The following FBXL17 variants were observed in gnomAD, a reference collection of about 807,000 sequenced individuals.
FBXL17 encodes the protein F-box and leucine rich repeat protein 17, also known as F-box/LRR-repeat protein 17.
In FBXL17, 22 loss-of-function variants were observed where a neutral mutation model predicts 66.2. The observed-to-expected ratio is 0.33, with a 90% confidence interval of 0.24 to 0.47. The LOEUF (loss-of-function observed/expected upper bound fraction) is 0.47, where lower values mean the gene tolerates loss of function less well. Ranked by LOEUF, FBXL17 falls within the 20% of genes least tolerant of loss-of-function variation. FBXL17 has a pLI of 1.00. For missense variants in FBXL17, 878 were observed against 948.2 expected, an observed-to-expected ratio of 0.93 and a Z score of 0.97; for synonymous variants, 474 against 400.5, an observed-to-expected ratio of 1.18 and a Z score of -2.19.
At chr5:107,980,658 A>ATT (rs1382210910) in intron 7 of FBXL17, among the ~76,000 whole-genome samples, 1 of 72,480 alleles carries the variant, frequency 1.4e-5, no homozygotes, top group Non-Finnish European at 2.4e-5. Flanking sequence ...ATATATATAT[A>ATT]TATATATTTT....
chr5:108,220,830 CA>C (rs1754832514), intron 5 of FBXL17, among the ~76,000 whole-genome samples: 1 of 151,966 alleles, frequency 6.6e-6, no homozygotes, highest in Admixed American at 6.6e-5. Flanking sequence ...GGAGAGAGAG[CA>C]AGATATACAG....
rs114392372 is a variant in FBXL17 at position 108,281,027 on chromosome 5, A to G, written c.1507-56799T>C. On this transcript the variant is annotated intron_variant, in intron 4 of 8. Transcript: ENST00000542267. ...TGGAGCACCCAGAGTCATAAAACAA[A>G]TATTACTAGACCTAAAGAGAGAGAC... Among the ~76,000 whole-genome samples, 1,243 of 151,982 alleles carry G rather than the reference A, an allele frequency of 8.2e-3. 12 individuals carry two copies. The highest frequency in any genetic ancestry group is 0.028 in the African/African-American group (1,176 of 41,546).
intron 6 of FBXL17, among the ~76,000 whole-genome samples, chr5:108,073,059 GA>G (rs1160076869): frequency 6.6e-6 from 1 of 152,098 alleles, no homozygotes; most frequent in East Asian, 1.9e-4. Flanking sequence ...TCTAGTTACA[GA>G]AGTCAGAAAG....
chr5:108,082,963 T>C (rs988656868), intron 6 of FBXL17, among the ~76,000 whole-genome samples: 7 of 152,150 alleles, frequency 4.6e-5, no homozygotes, highest in Non-Finnish European at 1.0e-4. Context: ...ATCAGCTATT[T>C]ACATTTGTTT....
chr5:108,351,636 T>C (rs1747663857), intron 3 of FBXL17, among the ~76,000 whole-genome samples: 1 of 152,222 alleles, frequency 6.6e-6, no homozygotes, highest in Non-Finnish European at 1.5e-5. Context: ...GCATTGTTTG[T>C]AAGCAACCTT....
intron 7 of FBXL17, among the ~76,000 whole-genome samples, chr5:107,969,262 T>C (rs1345586235): frequency 6.6e-6 from 1 of 152,180 alleles, no homozygotes; most frequent in Non-Finnish European, 1.5e-5. Flanking sequence ...CATGGGGTAC[T>C]GTGGACATGG....
intron 3 of FBXL17, among the ~76,000 whole-genome samples, chr5:108,363,025 G>C (rs1301093734): frequency 6.6e-6 from 1 of 151,900 alleles, no homozygotes; most frequent in African/African-American, 2.4e-5. Context: ...CATCAATTAT[G>C]GCTAGTTCCC....
chr5:107,918,165 G>A (rs1750196125), intron 7 of FBXL17, among the ~76,000 whole-genome samples: 1 of 152,192 alleles, frequency 6.6e-6, no homozygotes, highest in African/African-American at 2.4e-5. Flanking sequence ...CAGCTCCCAT[G>A]TGGCAGAAGA....
intron 7 of FBXL17, among the ~76,000 whole-genome samples, chr5:107,942,954 C>T (rs1383052404): frequency 6.6e-6 from 1 of 152,150 alleles, no homozygotes; most frequent in African/African-American, 2.4e-5. Context: ...ACAATGGACA[C>T]TTTTCAGGTC....
At chr5:108,286,987 C>T (rs1363186342) in intron 4 of FBXL17, among the ~76,000 whole-genome samples, 4 of 151,892 alleles carry the variant, frequency 2.6e-5, no homozygotes, top group African/African-American at 9.7e-5. Context: ...ACACCTACAA[C>T]AATCTAATCT....
At chr5:108,099,129 T>A (rs1749503127) in intron 6 of FBXL17, among the ~76,000 whole-genome samples, 1 of 152,134 alleles carries the variant, frequency 6.6e-6, no homozygotes, top group South Asian at 2.1e-4. Flanking sequence ...CCAGTGGGAA[T>A]CCACCAAGAT....
At chr5:108,282,765 G>T (rs990926939) in intron 4 of FBXL17, among the ~76,000 whole-genome samples, 2 of 148,834 alleles carry the variant, frequency 1.3e-5, no homozygotes, top group African/African-American at 5.1e-5. Context: ...AAAATTTAAA[G>T]ACTCTATTAA....
chr5:108,194,457 G>A (rs1183092652), intron 5 of FBXL17, among the ~76,000 whole-genome samples: 1 of 152,072 alleles, frequency 6.6e-6, no homozygotes, highest in Admixed American at 6.6e-5. Context: ...CTCTTTAAAT[G>A]GGGAATCATT....
rs11957720 is a variant in FBXL17, at chr5:107,875,046, G to C, written c.1965+5991C>G. Among the ~76,000 whole-genome samples the C allele has an allele frequency of 4.1e-3, 617 of 151,920 alleles. 3 individuals carry two copies. Among genetic ancestry groups the C allele is most frequent in the African/African-American group, 0.014 (592 of 41,444 alleles). On this transcript the variant is annotated intron_variant, in intron 8 of 8. Coordinates refer to ENST00000542267, the MANE Select transcript of FBXL17 (RefSeq NM_001163315.3). ...GTCACCCACAACAGAGGACTGCACA[G>C]TCTGACACTCCTGCCTTATTTGGAT...
chr5:108,177,932 T>TATATATATATATATATATATACAC (rs1242739302), intron 6 of FBXL17, among the ~76,000 whole-genome samples: 46 of 126,872 alleles, frequency 3.6e-4, no homozygotes, highest in Admixed American at 6.8e-4. Flanking sequence ...TATATATATA[T>TATATATATATATATATATATACAC]ACACACACAC....
At chr5:107,905,591 A>G (rs1012339215) in intron 7 of FBXL17, among the ~76,000 whole-genome samples, 1 of 152,172 alleles carries the variant, frequency 6.6e-6, no homozygotes, top group Non-Finnish European at 1.5e-5. Flanking sequence ...ACTCAATTAC[A>G]GACATGTATA....
chr5:107,969,987 T>G (rs187043662), intron 7 of FBXL17, among the ~76,000 whole-genome samples: 6 of 152,308 alleles, frequency 3.9e-5, no homozygotes, highest in African/African-American at 1.4e-4. Context: ...TATTTGCATA[T>G]TTAGAAATCT....
chr5:107,949,171 C>G (rs1435851877), intron 7 of FBXL17, among the ~76,000 whole-genome samples: 1 of 113,018 alleles, frequency 8.8e-6, no homozygotes, highest in Admixed American at 9.2e-5. Context: ...CCACATCTGT[C>G]AATGCACTTC....
intron 7 of FBXL17, among the ~76,000 whole-genome samples, chr5:107,904,283 G>A (rs551324244): frequency 7.9e-5 from 12 of 151,936 alleles, no homozygotes; most frequent in Non-Finnish European, 1.5e-4. Flanking sequence ...CCCTTCTCCC[G>A]CTGCCACTGG....
Sources: gnomAD v4.1 joint callset for allele counts (sites outside exome capture counted in the v4.1 genomes callset) on GRCh38, gnomAD v4.1.1 for gene constraint, MANE v1.5 for transcripts, NCBI Gene and HGNC (gene_info 2026-07-23, HGNC 2026-07-21) for gene names.